PIGN: variants seen among roughly 807,000 people sequenced by gnomAD.
The protein encoded by PIGN is GPI ethanolamine phosphate transferase 1.
Under a neutral mutation model 125.4 loss-of-function variants are expected in PIGN, and 117 were observed. That is an observed-to-expected ratio of 0.93 (90% CI 0.80 to 1.09). PIGN has a LOEUF of 1.09. Ranked by LOEUF, PIGN falls within the 50% of genes least tolerant of loss-of-function variation. The pLI is 0.00. For missense variants in PIGN, 1,075 were observed against 1,094.9 expected (o/e 0.98, Z 0.26); for synonymous variants, 392 against 377.8 (o/e 1.04, Z -0.44).
intron 16 of PIGN, chr18:62,112,640 AT>A: frequency 6.5e-6 from 1 of 152,926 alleles, no homozygotes; most frequent in African/African-American, 2.4e-5. Context: ...AGAAATCTGC[AT>A]TTTGAGAAAC....
chr18:62,083,972 G>A (rs2033571065), intron 27 of PIGN, among the ~76,000 whole-genome samples: 2 of 152,036 alleles, frequency 1.3e-5, no homozygotes, highest in African/African-American at 4.8e-5. Flanking sequence ...CAGGCATTAT[G>A]GTAAAGGGAA....
At chr18:62,028,779 A>G (rs1403615182) in intron 23 of PIGN, among the ~76,000 whole-genome samples, 1 of 152,226 alleles carries the variant, frequency 6.6e-6, no homozygotes, top group Non-Finnish European at 1.5e-5. Context: ...GCTAACAAGG[A>G]TAAGGTTTTG....
intron 14 of PIGN, among the ~76,000 whole-genome samples, chr18:62,124,322 T>C (rs2146838017): frequency 6.6e-6 from 1 of 152,270 alleles, no homozygotes; most frequent in Admixed American, 6.5e-5. Flanking sequence ...TTTACTAATT[T>C]ACCAAAAGAT....
intron 7 of PIGN, among the ~76,000 whole-genome samples, chr18:62,151,785 G>T (rs186590897): frequency 6.0e-4 from 91 of 152,324 alleles, no homozygotes; most frequent in Non-Finnish European, 1.1e-3. Context: ...GGTAAGAATT[G>T]AGGTTGCTGC....
intron 30 of PIGN, among the ~76,000 whole-genome samples, chr18:62,057,124 T>C (rs11660362): frequency 0.33 from 50,908 of 152,022 alleles, 9,440 homozygotes; most frequent in East Asian, 0.63. Flanking sequence ...CCTTTCCCTC[T>C]TAGATATCAC....
intron 30 of PIGN, 133 bp downstream of exon 30, chr18:62,072,540 G>C: frequency 1.5e-6 from 1 of 661,524 alleles, no homozygotes; most frequent in Non-Finnish European, 2.7e-6. Flanking sequence ...TATCCTAGGT[G>C]TGTTGTAGGC....
Position 62,077,423 on chromosome 18 carries a change from C to A in PIGN, c.2577-2602G>T, listed in dbSNP as rs374351459. On this transcript the variant is annotated intron_variant, in intron 28 of 30. Transcript: ENST00000640252. The stretch of plus-strand genomic sequence containing the variant: ...AAAACCTTTAAAAAACCTTTACATA[C>A]CTTTTTTAAAAAGTTTTGATTTTTT... Among the ~76,000 whole-genome samples the A allele has an allele frequency of 3.3e-5, 5 of 152,154 alleles. No homozygotes were observed. The South Asian group carries it at 1.0e-3, about 32-fold the overall frequency.
chr18:62,162,842 T>C (rs2037004055), intron 2 of PIGN, among the ~76,000 whole-genome samples: 1 of 152,158 alleles, frequency 6.6e-6, no homozygotes, highest in East Asian at 1.9e-4. Flanking sequence ...AAAAAGTAAA[T>C]TTTATGTTTT....
At chr18:62,021,237 C>T (rs2030051472) in intron 23 of PIGN, among the ~76,000 whole-genome samples, 1 of 152,186 alleles carries the variant, frequency 6.6e-6, no homozygotes, top group South Asian at 2.1e-4. Flanking sequence ...AACCGCCAAA[C>T]AGAGAACAAA....
chr18:62,026,913 G>T (rs1352653132), intron 23 of PIGN, among the ~76,000 whole-genome samples: 1 of 152,210 alleles, frequency 6.6e-6, no homozygotes, highest in Non-Finnish European at 1.5e-5. Context: ...AAAGGAGGCT[G>T]ACGGGGGGCC....
At chr18:62,035,206 A>G (rs575709235) in intron 23 of PIGN, among the ~76,000 whole-genome samples, 8 of 152,282 alleles carry the variant, frequency 5.3e-5, no homozygotes, top group Middle Eastern at 3.4e-3. Context: ...GTGGAACTGT[A>G]AGTCCATTAA....
chr18:62,053,095 G>A (rs928479482), intron 30 of PIGN: 3 of 278,198 alleles, frequency 1.1e-5, no homozygotes, highest in Non-Finnish European at 2.0e-5. Context: ...GCTAGCTGAT[G>A]TGAAAATTCT....
At chr18:62,123,967 T>C (rs1352231087) in intron 14 of PIGN, among the ~76,000 whole-genome samples, 2 of 152,002 alleles carry the variant, frequency 1.3e-5, no homozygotes, top group African/African-American at 2.4e-5. Flanking sequence ...AAAAGGTTTC[T>C]CAAAATTCTA....
Position 62,045,064 on chromosome 18 carries a change from G to T in PIGN, c.*792C>A, listed in dbSNP as rs1224683078. On this transcript the variant is annotated 3_prime_UTR_variant, in exon 31 of 31. Coordinates refer to ENST00000640252, the MANE Select transcript of PIGN (RefSeq NM_176787.5). The stretch of plus-strand genomic sequence containing the variant: ...AGATGACAGTAAAAAGAAATTCAAA[G>T]GGAAAGAAACAATATACGAAAAAGC... 2.0e-5 allele frequency: 3 copies of T among 151,990 alleles called. No homozygotes were observed. Among genetic ancestry groups the T allele is most frequent in the Non-Finnish European group, 4.4e-5 (3 of 67,982 alleles). The allele number at this position is 151,990 out of a possible 1,614,324, so 9.4% of individuals were successfully genotyped here. A position where few individuals can be genotyped will look rare whatever the true frequency, so the allele number is the denominator to read the frequency against.
At chr18:62,028,157 A>T (rs1159720777) in intron 23 of PIGN, among the ~76,000 whole-genome samples, 1 of 152,218 alleles carries the variant, frequency 6.6e-6, no homozygotes, top group East Asian at 1.9e-4. Context: ...CGTGACAATG[A>T]CAGCGGAGAT....
chr18:62,019,887 T>G (rs1234308703), intron 23 of PIGN, among the ~76,000 whole-genome samples: 2 of 152,254 alleles, frequency 1.3e-5, no homozygotes, highest in African/African-American at 2.4e-5. Flanking sequence ...TTAGGCACTT[T>G]CCAGACTGTG....
chr18:62,105,153 T>C (rs965248053), intron 20 of PIGN: 10 of 153,638 alleles, frequency 6.5e-5, no homozygotes. Context: ...AGTGTGGACA[T>C]GATTAAAGCA....
Position 62,109,889 on chromosome 18 carries a change from T to TAA in PIGN, c.1518_1519insTT (p.Thr507LeufsTer18), listed in dbSNP as rs2034806994. 1 of 1,613,142 alleles carries TAA rather than the reference T, an allele frequency of 6.2e-7. No homozygotes were observed. Among genetic ancestry groups the TAA allele is most frequent in the African/African-American group, 1.3e-5 (1 of 74,882 alleles). ...GGCAACAAACCATATACATAATATGTCCAGGGACAGGCTTGAATCAGCAGA... is the reference window on the plus strand; with the variant it reads ...GGCAACAAACCATATACATAATATGTAACCAGGGACAGGCTTGAATCAGCAGA... On this transcript the variant is annotated frameshift_variant, in exon 17 of 31. Coordinates refer to ENST00000640252, the MANE Select transcript of PIGN (RefSeq NM_176787.5). LOFTEE classifies it high-confidence loss of function.
At chr18:62,137,157 G>A (rs898485461) in intron 14 of PIGN, 4 of 398,524 alleles carry the variant, frequency 1.0e-5, no homozygotes, top group Admixed American at 8.8e-5. Context: ...CAGACTTGCT[G>A]AGTTTTCCAG....
Sources: gnomAD v4.1 joint callset for allele counts (sites outside exome capture counted in the v4.1 genomes callset) on GRCh38, gnomAD v4.1.1 for gene constraint, MANE v1.5 for transcripts, NCBI Gene and HGNC (gene_info 2026-07-23, HGNC 2026-07-21) for gene names.